CLP1: variants seen among roughly 807,000 people sequenced by gnomAD.
The protein encoded by CLP1 is cleavage factor polyribonucleotide kinase subunit 1.
In CLP1, 18 loss-of-function variants were observed where a neutral mutation model predicts 29.9. That is an observed-to-expected ratio of 0.60 (90% CI 0.42 to 0.89). The LOEUF (loss-of-function observed/expected upper bound fraction) is 0.89, where lower values mean the gene tolerates loss of function less well. Ranked by LOEUF, CLP1 falls within the 40% of genes least tolerant of loss-of-function variation. CLP1 has a pLI of 0.00. For missense variants in CLP1, 357 were observed against 544.8 expected, an observed-to-expected ratio of 0.66 and a Z score of 3.43; for synonymous variants, 162 against 206.2, an observed-to-expected ratio of 0.79 and a Z score of 1.84.
At position 57,661,229 on chromosome 11, in the gene CLP1, T is replaced by G. The variant is rs1300575394; in HGVS notation, c.1071T>G (p.Pro357=). 6.2e-7 allele frequency: 1 copy of G among 1,614,212 alleles called. No individual in the cohort carries two copies. Among genetic ancestry groups the G allele is most frequent in the Non-Finnish European group, 8.5e-7 (1 of 1,180,030 alleles). The change falls in exon 3 of 3, where the codon CCT becomes CCG. Residue 357 remains proline, a synonymous_variant. Transcript: ENST00000533682. The part of the protein sequence containing the change: ...DNQLKLVPVT[P]GRDMVHHLLS... ...AGCTCAAGCTAGTACCTGTCACTCC[T>G]GGGCGAGATATGGTGCACCACCTAC...
rs267603020 is a variant in CLP1, at chr11:57,659,674, C to T, written c.198C>T (p.Phe66=). Residue 66 remains phenylalanine (F), a synonymous_variant, in exon 2 of 3, where the codon TTC becomes TTT. Transcript: ENST00000533682. The stretch of plus-strand genomic sequence containing the variant: ...ATGCTGGTGCCAAGGTGGCTGTTTT[C>T]ACTTGGCATGGCTGTTCTGTGCAAC... ...TFDAGAKVAV[F]TWHGCSVQLS... The T allele has an allele frequency of 6.2e-7, 1 of 1,614,130 alleles. No homozygotes were observed. The highest frequency in any genetic ancestry group is 2.2e-5 in the East Asian group (1 of 44,888).
Position 57,661,711 on chromosome 11 carries a change from G to A in CLP1, c.*275G>A. 2.5e-6 allele frequency: 1 copy of A among 394,336 alleles called. No homozygotes were observed. 24.4% of individuals were successfully genotyped at this position (394,336 alleles called of 1,614,324 possible). A position where few individuals can be genotyped will look rare whatever the true frequency, so the allele number is the denominator to read the frequency against. ...CCTGGAGAATTGCATTTCTTTCACT[G>A]TGCTACTATGTGGTTTTTAAAAAAT... On this transcript the variant is annotated 3_prime_UTR_variant, in exon 3 of 3. Coordinates refer to ENST00000533682, the MANE Select transcript of CLP1 (RefSeq NM_006831.3).
rs1027249030 is a variant in CLP1, at chr11:57,661,402, T to G, written c.1244T>G (p.Leu415Arg). 1.2e-6 allele frequency: 2 copies of G among 1,613,230 alleles called. No individual in the cohort carries two copies. The highest frequency in any genetic ancestry group is 1.7e-6 in the Non-Finnish European group (2 of 1,179,632). ...CGCCCACTGCCTAAGAACTTCCTTCTCATCATGGATATCCGGTTCATGGAT... is the reference window on the plus strand; with the variant it reads ...CGCCCACTGCCTAAGAACTTCCTTCGCATCATGGATATCCGGTTCATGGAT... The part of the protein sequence containing the change: ...APRPLPKNFL[L>R]IMDIRFMDLK Residue 415 changes from leucine to arginine, a missense_variant, in exon 3 of 3, where the codon CTC (leucine) becomes CGC (arginine). Physicochemically the swap from Leu to Arg is moderately radical, Grantham distance 102. Transcript: ENST00000533682.
rs1196428132 is a variant in CLP1 at position 57,659,851 on chromosome 11, G to A, written c.375G>A (p.Val125=). ...PRVMVVGPTD[V]GKSTVCRLLL... is the part of the protein sequence containing the mutation. ...TGATGGTAGTGGGCCCCACTGATGT[G>A]GGCAAGTCTACAGTGTGTCGCCTTC... Residue 125 remains valine, a synonymous_variant, in exon 2 of 3, where the codon GTG becomes GTA. Transcript: ENST00000533682. The A allele has an allele frequency of 6.2e-7, 1 of 1,614,188 alleles. No individual in the cohort carries two copies. The highest frequency in any genetic ancestry group is 2.2e-5 in the East Asian group (1 of 44,872).
At position 57,659,691 on chromosome 11, in the gene CLP1, C is replaced by T; in HGVS notation, c.215C>T (p.Ser72Phe). ...KVAVFTWHGC[S>F]VQLSGRTEVA... The stretch of plus-strand genomic sequence containing the variant: ...GCTGTTTTCACTTGGCATGGCTGTT[C>T]TGTGCAACTGAGCGGCCGCACTGAG... The change falls in exon 2 of 3, where the codon TCT becomes TTT. Residue 72 changes from serine (S) to phenylalanine (F), a missense_variant. Transcript: ENST00000533682. The T allele has an allele frequency of 6.2e-7, 1 of 1,614,098 alleles. No homozygotes were observed. The highest frequency in any genetic ancestry group is 8.5e-7 in the Non-Finnish European group (1 of 1,180,026).
intron 2 of CLP1, 102 bp downstream of exon 2, chr11:57,660,184 T>A: frequency 5.6e-6 from 7 of 1,240,366 alleles, no homozygotes; most frequent in Non-Finnish European, 7.6e-6. Context: ...CTGGTATTTC[T>A]GCTGCATTAC....
At chr11:57,658,605 ATTAT>A (rs1182862715) in intron 1 of CLP1, among the ~76,000 whole-genome samples, 22 of 151,984 alleles carry the variant, frequency 1.4e-4, no homozygotes, top group Admixed American at 6.6e-4. Flanking sequence ...GTATGTTTTT[ATTAT>A]TTATTTATTT....
rs945261006 is a variant in CLP1, at chr11:57,657,846, C to G, written c.-37C>G. On this transcript the variant is annotated 5_prime_UTR_variant, in exon 1 of 3. Transcript: ENST00000533682. ...GGACCTTCTGAGTTTACCTGTTGGG[C>G]TCCTGGCTGCGCAGGTGAGTTAAAA... The G allele has an allele frequency of 1.4e-4, 22 of 152,294 alleles. No homozygotes were observed. The highest frequency in any genetic ancestry group is 5.1e-4 in the African/African-American group (21 of 41,422). The allele number at this position is 152,294 out of a possible 1,614,324, so 9.4% of individuals were successfully genotyped here.
At chr11:57,658,591 C>A (rs1037184034) in intron 1 of CLP1, among the ~76,000 whole-genome samples, 3 of 151,992 alleles carry the variant, frequency 2.0e-5, no homozygotes, top group Non-Finnish European at 4.4e-5. Flanking sequence ...GGGAAACATT[C>A]ATTGTATGTT....
At position 57,659,976 on chromosome 11, in the gene CLP1, A is replaced by G. The variant is rs531438450; in HGVS notation, c.500A>G (p.Tyr167Cys). Residue 167 changes from tyrosine (Y) to cysteine (C), a missense_variant, in exon 2 of 3, where the codon TAC becomes TGC. Coordinates refer to ENST00000533682, the MANE Select transcript of CLP1 (RefSeq NM_006831.3). ...VSIPGTMGAL[Y>C]IERPADVEEG... ...ATCCCTGGTACCATGGGGGCCCTCT[A>G]CATCGAGCGGCCTGCAGATGTCGAA... is the stretch of plus-strand genomic sequence containing the variant. 38 of 1,613,604 alleles carry G rather than the reference A, an allele frequency of 2.4e-5. No individual in the cohort carries two copies. Among genetic ancestry groups the G allele is most frequent in the South Asian group, 5.5e-5 (5 of 90,972 alleles).
chr11:57,661,016 G>A lies in CLP1; in HGVS notation c.858G>A (p.Val286=). 5 of 1,614,224 alleles carry A rather than the reference G, an allele frequency of 3.1e-6. No individual in the cohort carries two copies. The highest frequency in any genetic ancestry group is 4.2e-6 in the Non-Finnish European group (5 of 1,180,042). The change falls in exon 3 of 3, where the codon GTG becomes GTA. Residue 286 remains valine (V), a synonymous_variant. Coordinates refer to ENST00000533682, the MANE Select transcript of CLP1 (RefSeq NM_006831.3). ...TVLLPKSGGV[V]ERSKDFRREC... ...TGCTCCCTAAATCTGGGGGTGTGGT[G>A]GAGCGCTCCAAGGACTTCCGGCGGG...
rs1007019922 is a variant in CLP1 at position 57,659,250 on chromosome 11, A to AT, written c.-22-195dup. ...AGGCACCCTCCACCATGCCCGGCTA[A>AT]TTTTTTTTTTGTATGTTTAGTAGAG... On this transcript the variant is annotated intron_variant, in intron 1 of 2. Transcript: ENST00000533682. 1.7e-3 allele frequency among the ~76,000 whole-genome samples: 246 copies of AT among 146,140 alleles called. 2 individuals are homozygous for AT. Among genetic ancestry groups the AT allele is most frequent in the African/African-American group, 5.3e-3 (211 of 39,688 alleles).
chr11:57,660,564 G>C (rs1361970592), intron 2 of CLP1, among the ~76,000 whole-genome samples: 1 of 152,182 alleles, frequency 6.6e-6, no homozygotes, highest in Non-Finnish European at 1.5e-5. Context: ...TGAGGCAGGA[G>C]AATCACTTGA....
chr11:57,658,289 G>T (rs1945840318), intron 1 of CLP1, among the ~76,000 whole-genome samples: 1 of 152,208 alleles, frequency 6.6e-6, no homozygotes, highest in South Asian at 2.1e-4. Context: ...GATGATTGGG[G>T]TCAGGGCATC....
In CLP1 at chr11:57,661,279, C is replaced by T; in HGVS notation, c.1121C>T (p.Thr374Ile). ...CTGAGTGTTAGCACTGCCGAGGGTA[C>T]AGAGGAGAACCTGTCCGAGACAAGT... ...HLLSVSTAEG[T>I]EENLSETSVA... Residue 374 changes from threonine (T) to isoleucine (I), a missense_variant, in exon 3 of 3, where the codon ACA becomes ATA. Transcript: ENST00000533682. 1 of 1,614,212 alleles carries T rather than the reference C, an allele frequency of 6.2e-7. No individual in the cohort carries two copies. Among genetic ancestry groups the T allele is most frequent in the Non-Finnish European group, 8.5e-7 (1 of 1,180,040 alleles).
Position 57,657,779 on chromosome 11 carries a change from G to A in CLP1, c.-104G>A, listed in dbSNP as rs1452696379. On this transcript the variant is annotated 5_prime_UTR_variant, in exon 1 of 3. Coordinates refer to ENST00000533682, the MANE Select transcript of CLP1 (RefSeq NM_006831.3). ...CTGCGTTTGTTTCCGGCGTGGGTCC[G>A]GGCAAGAACCGCTTGTAGTTTGGTT... 6.5e-6 allele frequency: 1 copy of A among 152,922 alleles called. No individual in the cohort carries two copies. The highest frequency in any genetic ancestry group is 3.2e-3 in the Middle Eastern group (1 of 316). 9.5% of individuals were successfully genotyped at this position (152,922 alleles called of 1,614,324 possible). A position where few individuals can be genotyped will look rare whatever the true frequency, so the allele number is the denominator to read the frequency against.
chr11:57,661,090 G>C lies in CLP1; in HGVS notation c.932G>C (p.Cys311Ser). 1 of 1,614,200 alleles carries C rather than the reference G, an allele frequency of 6.2e-7. No homozygotes were observed. Among genetic ancestry groups the C allele is most frequent in the South Asian group, 1.1e-5 (1 of 91,088 alleles). ...IREYFYGFRGCFYPHAFNVKF... is the reference protein window; with the variant it reads ...IREYFYGFRGSFYPHAFNVKF... ...GAGTATTTTTATGGATTCCGAGGCTGTTTCTATCCCCATGCCTTCAATGTC... is the reference window on the plus strand; with the variant it reads ...GAGTATTTTTATGGATTCCGAGGCTCTTTCTATCCCCATGCCTTCAATGTC... The change falls in exon 3 of 3, where the codon TGT becomes TCT. Residue 311 changes from cysteine to serine, a missense_variant. By Grantham distance (112) the Cys-to-Ser change is moderately radical. Transcript: ENST00000533682.
At chr11:57,658,783 G>A (rs1945845796) in intron 1 of CLP1, among the ~76,000 whole-genome samples, 2 of 151,814 alleles carry the variant, frequency 1.3e-5, no homozygotes, top group South Asian at 2.1e-4. Context: ...GACTACAGGC[G>A]CCCACCATTA....
Position 57,659,930 on chromosome 11 carries a change from G to A in CLP1, c.454G>A (p.Val152Met), listed in dbSNP as rs769331883. The A allele has an allele frequency of 5.0e-6, 8 of 1,614,070 alleles. No homozygotes were observed. In the South Asian group the frequency reaches 8.8e-5, roughly 18 times the overall value. The stretch of plus-strand genomic sequence containing the variant: ...CCGTCCCACTTATGTGGAGCTGGAT[G>A]TGGGCCAGGGTTCTGTGTCCATCCC... ...GRRPTYVELD[V>M]GQGSVSIPGT... is the part of the protein sequence containing the mutation. Residue 152 changes from valine (V) to methionine (M), a missense_variant, in exon 2 of 3, where the codon GTG becomes ATG. Physicochemically the swap from Val to Met is conservative, Grantham distance 21 (BLOSUM62 1). Transcript: ENST00000533682.
Sources: allele counts gnomAD v4.1 joint callset (sites outside exome capture counted in the v4.1 genomes callset), GRCh38; gene constraint gnomAD v4.1.1; transcripts MANE v1.5; gene names NCBI Gene and HGNC (gene_info 2026-07-23, HGNC 2026-07-21).